The following OTOG variants were observed in gnomAD, a reference collection of about 807,000 sequenced individuals.
OTOG encodes the protein otogelin.
In OTOG, 296 loss-of-function variants were observed where a neutral mutation model predicts 313.8. That is an observed-to-expected ratio of 0.94 (90% CI 0.86 to 1.04). The LOEUF (loss-of-function observed/expected upper bound fraction) is 1.04. Among genes scored for constraint, OTOG ranks in the 50% least tolerant of loss-of-function variants. OTOG has a pLI of 0.00. For synonymous variants in OTOG, 1,533 were observed against 1,554.9 expected, an observed-to-expected ratio of 0.99 and a Z score of 0.33; for missense variants, 3,948 against 3,840.1, an observed-to-expected ratio of 1.03 and a Z score of -0.74.
Position 17,610,792 on chromosome 11 carries a change from C to T in OTOG, c.5492C>T (p.Thr1831Ile). ...GGCCCCAAAGCCTCTGTCATCACCA[C>T]TCCACTCCAGCCACAGGCCACGACT... ...TPGPKASVIT[T>I]PLQPQATTLP... The change falls in exon 36 of 56, where the codon ACT (threonine) becomes ATT (isoleucine). Residue 1831 changes from threonine to isoleucine, a missense_variant. Coordinates refer to ENST00000399397, the MANE Select transcript of OTOG (RefSeq NM_001292063.2). The T allele has an allele frequency of 1.9e-6, 3 of 1,550,278 alleles. No homozygotes were observed. Among genetic ancestry groups the T allele is most frequent in the Non-Finnish European group, 2.6e-6 (3 of 1,146,866 alleles).
At chr11:17,614,355 G>A (rs183973558) in intron 39 of OTOG, among the ~76,000 whole-genome samples, 368 of 152,240 alleles carry the variant, frequency 2.4e-3, no homozygotes, top group Middle Eastern at 0.01. Context: ...GCGGGGTTTC[G>A]GACAGTAGGT....
intron 23 of OTOG, among the ~76,000 whole-genome samples, chr11:17,585,749 G>T (rs542357627): frequency 1.4e-4 from 21 of 152,200 alleles, no homozygotes; most frequent in African/African-American, 4.6e-4. Flanking sequence ...AGAAAATCTG[G>T]ATACAGGAGC....
At position 17,605,952 on chromosome 11, in the gene OTOG, C is replaced by A; in HGVS notation, c.3973C>A (p.Arg1325Ser). Residue 1325 changes from arginine to serine, a missense_variant, in exon 33 of 56, where the codon CGT becomes AGT. Transcript: ENST00000399397. ...TCTGGAGCTGGCTAAGTGGCAGGGC[C>A]GTGACACCTTCCAACAGCATGCCTC... is the stretch of plus-strand genomic sequence containing the variant. ...GSLELAKWQG[R>S]DTFQQHASFL... The A allele has an allele frequency of 6.4e-7, 1 of 1,550,608 alleles. No individual in the cohort carries two copies. The highest frequency in any genetic ancestry group is 8.7e-7 in the Non-Finnish European group (1 of 1,146,990).
chr11:17,629,036 A>G, intron 39 of OTOG, 97 bp from the exon 40 acceptor site: 5 of 1,163,258 alleles, frequency 4.3e-6, no homozygotes, highest in South Asian at 1.6e-5. Flanking sequence ...TGATGGGTGG[A>G]TGGATGGATG....
At chr11:17,613,566 C>A (rs146984141) in intron 38 of OTOG, 46 bp from the exon 39 acceptor site, 5 of 1,484,396 alleles carry the variant, frequency 3.4e-6, no homozygotes, top group Non-Finnish European at 4.6e-6. Context: ...TGGAGGGGGA[C>A]AGAGGACAGG....
At chr11:17,554,669 G>A (rs1465096179) in intron 6 of OTOG, among the ~76,000 whole-genome samples, 1 of 152,192 alleles carries the variant, frequency 6.6e-6, no homozygotes, top group African/African-American at 2.4e-5. Flanking sequence ...ACTGCTCTAG[G>A]GGCCATGCCC....
chr11:17,595,890 C>T (rs1317753800), intron 28 of OTOG, 148 bp from the exon 29 acceptor site: 17 of 648,930 alleles, frequency 2.6e-5, no homozygotes, highest in Non-Finnish European at 4.5e-5. Flanking sequence ...AGGTATAGGT[C>T]CCTTCTACAC....
rs1314382019 is a variant in OTOG at position 17,612,661 on chromosome 11, G to T, written c.6334G>T (p.Asp2112Tyr). The change falls in exon 38 of 56, where the codon GAT becomes TAT. Residue 2112 changes from aspartate (D) to tyrosine (Y), a missense_variant. By Grantham distance (160) the Asp-to-Tyr change is radical. Transcript: ENST00000399397. ...IFPDLSFVTFDGSHVALFKEA... is the reference protein window; with the variant it reads ...IFPDLSFVTFYGSHVALFKEA... Reference sequence around the variant, plus strand: ...CCCTGACCTGAGCTTCGTGACCTTCGATGGGAGCCACGTAGCTCTGTTCAA... The same window carrying T: ...CCCTGACCTGAGCTTCGTGACCTTCTATGGGAGCCACGTAGCTCTGTTCAA... The T allele has an allele frequency of 6.4e-7, 1 of 1,550,412 alleles. No homozygotes were observed. Among genetic ancestry groups the T allele is most frequent in the East Asian group, 2.4e-5 (1 of 40,922 alleles).
chr11:17,556,989 C>T, intron 7 of OTOG, 129 bp from the exon 8 acceptor site: 1 of 873,786 alleles, frequency 1.1e-6, no homozygotes, highest in East Asian at 2.7e-5. Context: ...CCTGGGAATT[C>T]TGGGAATTCA....
In OTOG at chr11:17,591,603, G is replaced by A. The variant is rs980152634; in HGVS notation, c.3006+15G>A. On this transcript the variant is annotated intron_variant, in intron 25 of 55. Coordinates refer to ENST00000399397, the MANE Select transcript of OTOG (RefSeq NM_001292063.2). ...ACCTGGTCAAGGTGAGTTCCCGGAT[G>A]TTTCTGCCCAGTTGGCTCCATGCAC... 3 of 1,550,272 alleles carry A rather than the reference G, an allele frequency of 1.9e-6. No individual in the cohort carries two copies. Among genetic ancestry groups the A allele is most frequent in the East Asian group, 4.9e-5 (2 of 40,924 alleles).
At chr11:17,638,219 T>C (rs1315344057) in intron 47 of OTOG, among the ~76,000 whole-genome samples, 5 of 152,182 alleles carry the variant, frequency 3.3e-5, no homozygotes, top group African/African-American at 7.2e-5. Context: ...TTAATGAGCT[T>C]GAGGTTCTGA....
intron 3 of OTOG, 51 bp downstream of exon 3, chr11:17,548,263 C>G: frequency 6.8e-7 from 1 of 1,466,248 alleles, no homozygotes; most frequent in Non-Finnish European, 9.2e-7. Flanking sequence ...TCATGTCTAT[C>G]TGGATCTGAG....
chr11:17,575,243 G>T (rs1392237585), intron 20 of OTOG, among the ~76,000 whole-genome samples: 3 of 152,218 alleles, frequency 2.0e-5, no homozygotes, highest in Non-Finnish European at 4.4e-5. Context: ...TCTAGGGCTT[G>T]GGAATTCAGC....
intron 9 of OTOG, 54 bp downstream of exon 9, chr11:17,558,369 C>T: frequency 1.9e-6 from 3 of 1,542,568 alleles, no homozygotes; most frequent in Non-Finnish European, 2.6e-6. Flanking sequence ...TGCTATCCAA[C>T]TCTTCGAAAG....
chr11:17,608,839 T>C (rs1853454247), intron 34 of OTOG, among the ~76,000 whole-genome samples: 1 of 152,174 alleles, frequency 6.6e-6, no homozygotes, highest in Non-Finnish European at 1.5e-5. Context: ...GAGACACATG[T>C]GAACATGTAC....
At chr11:17,638,412 C>A (rs1847898571) in intron 47 of OTOG, 39 bp from the exon 48 acceptor site, 8 of 1,474,112 alleles carry the variant, frequency 5.4e-6, no homozygotes, top group Admixed American at 2.1e-5. Flanking sequence ...TCCCCAGGTG[C>A]CTGTGACTGA....
intron 39 of OTOG, among the ~76,000 whole-genome samples, chr11:17,622,385 T>A (rs1853886344): frequency 6.6e-6 from 1 of 152,218 alleles, no homozygotes; most frequent in Non-Finnish European, 1.5e-5. Flanking sequence ...AATCTAATTA[T>A]ATACTCATTT....
intron 4 of OTOG, 71 bp from the exon 5 acceptor site, chr11:17,553,048 T>G: frequency 2.1e-6 from 3 of 1,434,956 alleles, no homozygotes; most frequent in South Asian, 1.2e-5. Flanking sequence ...CTGTGAAGCC[T>G]GAGAGGGCTG....
chr11:17,551,269 T>G (rs1851924936), intron 3 of OTOG, among the ~76,000 whole-genome samples: 1 of 152,138 alleles, frequency 6.6e-6, no homozygotes, highest in South Asian at 2.1e-4. Context: ...CTGAGAGGGC[T>G]GGTGTATAAG....
Sources: gnomAD v4.1 joint callset for allele counts (sites outside exome capture counted in the v4.1 genomes callset) on GRCh38, gnomAD v4.1.1 for gene constraint, MANE v1.5 for transcripts, NCBI Gene and HGNC (gene_info 2026-07-23, HGNC 2026-07-21) for gene names.